Variants in ANO2 observed in about 807,000 individuals in gnomAD.
ANO2 encodes the protein anoctamin-2.
ANO2 carries 101 observed loss-of-function variants against 124.2 expected under a neutral mutation model. The observed-to-expected ratio is 0.81, with a 90% CI of 0.69 to 0.96. The LOEUF is 0.96. ANO2 is among the 40% of genes least tolerant of loss of function. The pLI, the probability that ANO2 is intolerant of heterozygous loss-of-function variation, is 0.00. For missense variants in ANO2, 1,293 were observed against 1,274.5 expected (o/e 1.01, Z -0.22); for synonymous variants, 486 against 482.5 (o/e 1.01, Z -0.09).
chr12:5,918,126 C>T (rs17724494), intron 3 of ANO2, among the ~76,000 whole-genome samples: 23,052 of 152,188 alleles, frequency 0.15, 1,979 homozygotes, highest in Middle Eastern at 0.2. Flanking sequence ...AATGCATCTT[C>T]ACCTTGGAGA....
At chr12:5,741,694 G>A (rs1951100836) in intron 12 of ANO2, among the ~76,000 whole-genome samples, 1 of 152,240 alleles carries the variant, frequency 6.6e-6, no homozygotes, top group Non-Finnish European at 1.5e-5. Flanking sequence ...GTGCTCATCT[G>A]TGCCAGGCAC....
intron 14 of ANO2, among the ~76,000 whole-genome samples, chr12:5,671,202 A>C (rs1947984525): frequency 6.6e-6 from 1 of 151,984 alleles, no homozygotes; most frequent in Non-Finnish European, 1.5e-5. Flanking sequence ...ATTATGAAAA[A>C]TTCAAGAAAT....
rs12227785 is a variant in ANO2, at chr12:5,663,770, C to G, written c.1546-15969G>C. ...CTGAGTTCAGAGGAATTTGTTCTGACCCTCAAGAGGGGTTAAGATACACTG... is the reference window on the plus strand; with the variant it reads ...CTGAGTTCAGAGGAATTTGTTCTGAGCCTCAAGAGGGGTTAAGATACACTG... On this transcript the variant is annotated intron_variant, in intron 14 of 24. Coordinates refer to ENST00000682330, the MANE Select transcript of ANO2 (RefSeq NM_001364791.2). 1.1e-4 allele frequency among the ~76,000 whole-genome samples: 17 copies of G among 152,330 alleles called. No homozygotes were observed. In the East Asian group the frequency reaches 2.9e-3, roughly 26 times the overall value.
At chr12:5,890,017 A>G (rs1939281564) in intron 3 of ANO2, among the ~76,000 whole-genome samples, 1 of 151,952 alleles carries the variant, frequency 6.6e-6, no homozygotes, top group Non-Finnish European at 1.5e-5. Context: ...GGTCCCCTCC[A>G]GTCTGTGGCC....
At chr12:5,852,106 T>C (rs887548664) in intron 4 of ANO2, 15 of 587,378 alleles carry the variant, frequency 2.6e-5, no homozygotes, top group African/African-American at 1.1e-4. Flanking sequence ...AAAGAGGAGA[T>C]AGGGTTGGCC....
chr12:5,714,299 C>T (rs747556956), intron 14 of ANO2, among the ~76,000 whole-genome samples: 2 of 152,202 alleles, frequency 1.3e-5, no homozygotes, highest in South Asian at 2.1e-4. Context: ...AGATGGAATG[C>T]GTTCCCCTTC....
At chr12:5,615,099 G>T in intron 17 of ANO2, 87 bp downstream of exon 17, 1 of 1,034,624 alleles carries the variant, frequency 9.7e-7, no homozygotes, top group Non-Finnish European at 1.4e-6. Context: ...GTGGACAATG[G>T]GGACAGGCTG....
At chr12:5,606,119 G>C (rs1293510892) in intron 19 of ANO2, among the ~76,000 whole-genome samples, 1 of 152,164 alleles carries the variant, frequency 6.6e-6, no homozygotes. Context: ...TCTAAGCCAG[G>C]CCTAGCAATG....
At chr12:5,844,263 G>A (rs1954613135) in intron 4 of ANO2, among the ~76,000 whole-genome samples, 1 of 152,200 alleles carries the variant, frequency 6.6e-6, no homozygotes, top group South Asian at 2.1e-4. Context: ...GCTACACAGA[G>A]AGGTGTGGTT....
chr12:5,752,769 C>A (rs781187944), intron 10 of ANO2, among the ~76,000 whole-genome samples: 1 of 152,102 alleles, frequency 6.6e-6, no homozygotes, highest in Non-Finnish European at 1.5e-5. Flanking sequence ...GTTGCTTGTG[C>A]TTTCTGTGCC....
At chr12:5,855,746 CA>C (rs1164769474) in intron 3 of ANO2, among the ~76,000 whole-genome samples, 7 of 152,170 alleles carry the variant, frequency 4.6e-5, no homozygotes, top group Non-Finnish European at 8.8e-5. Flanking sequence ...GAAAGCAAGG[CA>C]GGGAAAATGT....
intron 3 of ANO2, among the ~76,000 whole-genome samples, chr12:5,905,163 G>A (rs61908389): frequency 5.9e-5 from 9 of 152,122 alleles, no homozygotes; most frequent in African/African-American, 2.2e-4. Context: ...GGGGGATAAC[G>A]CTGAAAGAAT....
At chr12:5,793,176 T>C (rs1403414305) in intron 10 of ANO2, among the ~76,000 whole-genome samples, 3 of 152,188 alleles carry the variant, frequency 2.0e-5, no homozygotes, top group Non-Finnish European at 4.4e-5. Flanking sequence ...GAAGCAGAAC[T>C]AAGACCAAAA....
intron 3 of ANO2, among the ~76,000 whole-genome samples, chr12:5,915,473 T>A (rs76767704): frequency 0.019 from 2,955 of 152,090 alleles, 100 homozygotes; most frequent in African/African-American, 0.065. Flanking sequence ...TCAAACAGAG[T>A]TCAGTGGATG....
intron 1 of ANO2, among the ~76,000 whole-genome samples, chr12:5,943,042 A>T (rs541179320): frequency 1.3e-5 from 2 of 152,346 alleles, no homozygotes; most frequent in East Asian, 3.9e-4. Context: ...CAACCACTAT[A>T]GAAAAACAGT....
intron 1 of ANO2, among the ~76,000 whole-genome samples, chr12:5,935,949 A>G (rs1380864494): frequency 6.6e-6 from 1 of 152,222 alleles, no homozygotes; most frequent in Non-Finnish European, 1.5e-5. Context: ...AGAAGAAAGA[A>G]GCACCACTAT....
At chr12:5,737,263 T>A (rs1950907984) in intron 13 of ANO2, among the ~76,000 whole-genome samples, 1 of 152,244 alleles carries the variant, frequency 6.6e-6, no homozygotes, top group Non-Finnish European at 1.5e-5. Flanking sequence ...AAAGTCTCCT[T>A]AGGCCCTGGG....
intron 1 of ANO2, among the ~76,000 whole-genome samples, chr12:5,928,510 CT>C (rs2136313313): frequency 1.4e-5 from 2 of 147,718 alleles, no homozygotes; most frequent in East Asian, 4.4e-4. Flanking sequence ...ACTTTCCTTC[CT>C]CTCTAGTCTA....
intron 11 of ANO2, among the ~76,000 whole-genome samples, chr12:5,748,864 A>T (rs1057213243): frequency 4.2e-5 from 2 of 47,802 alleles, no homozygotes; most frequent in African/African-American, 1.0e-4. Context: ...TTTTCCCTTC[A>T]CCCTCCAAAA....
Sources: gnomAD v4.1 joint callset for allele counts (sites outside exome capture counted in the v4.1 genomes callset) on GRCh38, gnomAD v4.1.1 for gene constraint, MANE v1.5 for transcripts, NCBI Gene and HGNC (gene_info 2026-07-23, HGNC 2026-07-21) for gene names.